Variants in GRIP1 observed in about 807,000 individuals in gnomAD.
GRIP1 encodes glutamate receptor interacting protein 1.
Under a neutral mutation model 129.9 loss-of-function variants are expected in GRIP1, and 45 were observed. The observed-to-expected ratio is 0.35, with a 90% CI of 0.27 to 0.44. The LOEUF (loss-of-function observed/expected upper bound fraction) is 0.44. Among genes scored for constraint, GRIP1 ranks in the 20% least tolerant of loss-of-function variants. The pLI is 1.00. For synonymous variants in GRIP1, 530 were observed against 520.8 expected (o/e 1.02, Z -0.24); for missense variants, 1,196 against 1,396.8 (o/e 0.86, Z 2.29).
chr12:67,060,580 G>A (rs2043514883), intron 1 of GRIP1, among the ~76,000 whole-genome samples: 1 of 151,578 alleles, frequency 6.6e-6, no homozygotes, highest in African/African-American at 2.4e-5. Flanking sequence ...CAGCACTTTG[G>A]GAAGCCAAGG....
At chr12:66,852,481 A>T (rs1401092359) in intron 1 of GRIP1, among the ~76,000 whole-genome samples, 3 of 151,636 alleles carry the variant, frequency 2.0e-5, no homozygotes, top group African/African-American at 4.8e-5. Flanking sequence ...GATTAGACAC[A>T]CTAACAAAGT....
chr12:66,775,266 T>A (rs1005618199), intron 1 of GRIP1, among the ~76,000 whole-genome samples: 3 of 152,170 alleles, frequency 2.0e-5, no homozygotes, highest in Non-Finnish European at 4.4e-5. Flanking sequence ...CAAAGGGGGT[T>A]GGGACAATTA....
chr12:67,068,758 T>G (rs928557159), intron 1 of GRIP1, among the ~76,000 whole-genome samples: 1 of 128,852 alleles, frequency 7.8e-6, no homozygotes, highest in African/African-American at 3.0e-5. Flanking sequence ...CTGCAGAAGC[T>G]GGAGTTTCCC....
intron 1 of GRIP1, among the ~76,000 whole-genome samples, chr12:66,867,821 G>GA (rs1468619344): frequency 6.6e-6 from 1 of 152,148 alleles, no homozygotes; most frequent in Non-Finnish European, 1.5e-5. Context: ...GGTTATGAGT[G>GA]AGTCATATAC....
chr12:67,035,110 G>A (rs2043075745), intron 1 of GRIP1, among the ~76,000 whole-genome samples: 4 of 152,152 alleles, frequency 2.6e-5, no homozygotes, highest in Admixed American at 2.0e-4. Context: ...AGTTTCGGGT[G>A]CTGTGGAAAG....
chr12:66,672,210 T>A (rs1196215229), intron 1 of GRIP1, among the ~76,000 whole-genome samples: 1 of 152,218 alleles, frequency 6.6e-6, no homozygotes, highest in Non-Finnish European at 1.5e-5. Context: ...TCCTAATTCA[T>A]CTGTTTTGAA....
intron 1 of GRIP1, among the ~76,000 whole-genome samples, chr12:66,870,375 G>C (rs1464812612): frequency 5.3e-5 from 8 of 152,002 alleles, no homozygotes; most frequent in Admixed American, 5.2e-4. Context: ...AAAAAAATAG[G>C]TTTAAGAAAT....
intron 11 of GRIP1, among the ~76,000 whole-genome samples, chr12:66,447,889 A>G (rs2138144652): frequency 6.6e-6 from 1 of 152,334 alleles, no homozygotes; most frequent in Non-Finnish European, 1.5e-5. Context: ...CTAGCTGGCG[A>G]CTGGCTTTAG....
intron 1 of GRIP1, among the ~76,000 whole-genome samples, chr12:66,816,406 A>C (rs2136969595): frequency 6.6e-6 from 1 of 152,294 alleles, no homozygotes; most frequent in East Asian, 1.9e-4. Flanking sequence ...TCTGATAGGC[A>C]CTCAGTTCCT....
At chr12:66,963,116 C>T (rs897488486) in intron 1 of GRIP1, among the ~76,000 whole-genome samples, 1 of 151,938 alleles carries the variant, frequency 6.6e-6, no homozygotes, top group Non-Finnish European at 1.5e-5. Flanking sequence ...TTGAGATCAG[C>T]GTGAGCAACA....
chr12:66,854,482 G>A (rs992471207), intron 1 of GRIP1, among the ~76,000 whole-genome samples: 7 of 146,724 alleles, frequency 4.8e-5, no homozygotes, highest in Non-Finnish European at 9.1e-5. Flanking sequence ...GGAATGGTGT[G>A]GAGGGGGGCT....
intron 7 of GRIP1, among the ~76,000 whole-genome samples, chr12:66,507,818 T>G (rs2060579191): frequency 6.6e-6 from 1 of 152,054 alleles, no homozygotes; most frequent in South Asian, 2.1e-4. Flanking sequence ...CCACCCATTC[T>G]GGAGTGCAGT....
intron 1 of GRIP1, among the ~76,000 whole-genome samples, chr12:66,942,431 A>G (rs2041601640): frequency 6.6e-6 from 1 of 152,122 alleles, no homozygotes; most frequent in South Asian, 2.1e-4. Flanking sequence ...TCTTTGATCC[A>G]CTTCCTCTCC....
intron 9 of GRIP1, among the ~76,000 whole-genome samples, chr12:66,457,201 G>A (rs1197562362): frequency 6.6e-6 from 1 of 151,986 alleles, no homozygotes; most frequent in African/African-American, 2.4e-5. Flanking sequence ...GCAATATAAT[G>A]TTTGTTATTA....
chr12:67,007,020 T>C (rs946081338), intron 1 of GRIP1, among the ~76,000 whole-genome samples: 3 of 152,180 alleles, frequency 2.0e-5, no homozygotes, highest in Non-Finnish European at 2.9e-5. Context: ...TAGGATAATA[T>C]ACATGTATTT....
At chr12:66,497,136 GCATA>G (rs376175221) in intron 7 of GRIP1, among the ~76,000 whole-genome samples, 1 of 152,244 alleles carries the variant, frequency 6.6e-6, no homozygotes, top group African/African-American at 2.4e-5. Flanking sequence ...TGGCAAAAAT[GCATA>G]CATAATGTCC....
rs571001840 is a variant in GRIP1 at position 66,477,257 on chromosome 12, A to G, written c.725-11835T>C. On this transcript the variant is annotated intron_variant, in intron 7 of 24. Coordinates refer to ENST00000359742, the MANE Select transcript of GRIP1 (RefSeq NM_001366722.1). The stretch of plus-strand genomic sequence containing the variant: ...TAACAGACAAACAGAGAGCCAAATC[A>G]TGAGTGAACTCCCATTCACAATTGC... Among the ~76,000 whole-genome samples the G allele has an allele frequency of 2.9e-3, 438 of 152,308 alleles. 3 individuals are homozygous for G. Among genetic ancestry groups the G allele is most frequent in the African/African-American group, 1.0e-2 (414 of 41,560 alleles).
intron 1 of GRIP1, among the ~76,000 whole-genome samples, chr12:66,654,406 T>A (rs2033006801): frequency 6.6e-6 from 1 of 151,918 alleles, no homozygotes; most frequent in Non-Finnish European, 1.5e-5. Flanking sequence ...TTTGGAAAGG[T>A]AAAAAAGGAA....
At chr12:66,603,550 G>C (rs2064376939) in intron 1 of GRIP1, among the ~76,000 whole-genome samples, 1 of 152,172 alleles carries the variant, frequency 6.6e-6, no homozygotes, top group South Asian at 2.1e-4. Flanking sequence ...TTCATGTTTG[G>C]AAAGCCCTGC....
Sources: allele counts gnomAD v4.1 joint callset (sites outside exome capture counted in the v4.1 genomes callset), GRCh38; gene constraint gnomAD v4.1.1; transcripts MANE v1.5; gene names NCBI Gene and HGNC (gene_info 2026-07-23, HGNC 2026-07-21).